ABCA3: variants seen among roughly 807,000 people sequenced by gnomAD.
The protein encoded by ABCA3 is ATP binding cassette subfamily A member 3.
ABCA3 carries 88 observed loss-of-function variants against 172.8 expected under a neutral mutation model. The ratio of observed to expected loss-of-function variants is 0.51; its 90% CI spans 0.43 to 0.61. The LOEUF (loss-of-function observed/expected upper bound fraction) is 0.61. Ranked by LOEUF, ABCA3 falls within the 20% of genes least tolerant of loss-of-function variation. The probability of loss-of-function intolerance (pLI) is 0.00; values close to 1 mark genes in which losing one functional copy is unlikely to be tolerated. For missense variants in ABCA3, 2,164 were observed against 2,301.0 expected (o/e 0.94, Z 1.22); for synonymous variants, 1,066 against 983.8 (o/e 1.08, Z -1.56).
At chr16:2,336,921 TTC>T (rs1293806194) in intron 1 of ABCA3, among the ~76,000 whole-genome samples, 2 of 151,982 alleles carry the variant, frequency 1.3e-5, no homozygotes, top group Non-Finnish European at 2.9e-5. Flanking sequence ...TTTTTTTTTT[TTC>T]TCTGTTAGAG....
chr16:2,297,734 G>T lies in ABCA3; in HGVS notation c.2052+32C>A, dbSNP rs368540526. 1.9e-6 allele frequency: 3 copies of T among 1,606,676 alleles called. No individual in the cohort carries two copies. The highest frequency in any genetic ancestry group is 2.7e-5 in the African/African-American group (2 of 75,012). ...GGGCCATCCCAGGTCGAGCAGGAGG[G>T]GAACCCACTGCCTCCAGTCCCACCG... On this transcript the variant is annotated intron_variant, in intron 16 of 32. Coordinates refer to ENST00000301732, the MANE Select transcript of ABCA3 (RefSeq NM_001089.3). The surrounding 1 kb of genome is among the most constrained non-coding windows in gnomAD (Gnocchi z 5.6).
chr16:2,336,713 T>C (rs2093752397), intron 1 of ABCA3, among the ~76,000 whole-genome samples: 1 of 151,496 alleles, frequency 6.6e-6, no homozygotes, highest in Non-Finnish European at 1.5e-5. Context: ...GTGCTAGGAT[T>C]ACAGGCGTGA....
chr16:2,291,219 C>G (rs1308312273), intron 19 of ABCA3, among the ~76,000 whole-genome samples: 1 of 152,122 alleles, frequency 6.6e-6, no homozygotes, highest in African/African-American at 2.4e-5. Flanking sequence ...GTCCCAGCTA[C>G]TGAGGCTGAG....
chr16:2,300,244 T>C, intron 12 of ABCA3, 96 bp from the exon 13 acceptor site: 4 of 1,559,068 alleles, frequency 2.6e-6, no homozygotes, highest in South Asian at 2.2e-5. Context: ...ATGCAGCCTC[T>C]GTCCCAGGAC....
chr16:2,294,735 CA>C (rs2093677188), intron 18 of ABCA3, among the ~76,000 whole-genome samples: 1 of 152,002 alleles, frequency 6.6e-6, no homozygotes, highest in African/African-American at 2.4e-5. Context: ...GACATCTTAG[CA>C]CTTTGGGAGG....
intron 1 of ABCA3, among the ~76,000 whole-genome samples, chr16:2,337,342 A>C (rs9924128): frequency 3.3e-5 from 5 of 151,462 alleles, no homozygotes; most frequent in Admixed American, 2.0e-4. Flanking sequence ...TCTTTTACAC[A>C]TAACAGTACA....
chr16:2,277,063 G>A lies in ABCA3; in HGVS notation c.4984-258C>T, dbSNP rs2093647641. 3.3e-5 allele frequency among the ~76,000 whole-genome samples: 5 copies of A among 152,194 alleles called. No individual in the cohort carries two copies. Among genetic ancestry groups the A allele is most frequent in the Admixed American group, 1.3e-4 (2 of 15,272 alleles). On this transcript the variant is annotated intron_variant, in intron 32 of 32. Coordinates refer to ENST00000301732, the MANE Select transcript of ABCA3 (RefSeq NM_001089.3). This position sits in a 1 kb window ranked among gnomAD's most constrained non-coding sequence, Gnocchi z 5.3. ...TTCCCAGCTCAGATTACAACCTTGA[G>A]CCAGTGATGTTCCCTTTCTGAGCCA...
chr16:2,296,768 G>A (rs1486925793), intron 17 of ABCA3, among the ~76,000 whole-genome samples: 1 of 152,234 alleles, frequency 6.6e-6, no homozygotes, highest in Non-Finnish European at 1.5e-5. Context: ...ACCACACTGG[G>A]TTGCCACTCA....
At chr16:2,289,644 G>A (rs758300133) in intron 19 of ABCA3, 24 bp from the exon 20 acceptor site, 22 of 1,545,196 alleles carry the variant, frequency 1.4e-5, no homozygotes, top group Admixed American at 5.9e-5. Context: ...CACAGGGACC[G>A]GTCAGGACCC....
intron 7 of ABCA3, among the ~76,000 whole-genome samples, chr16:2,322,138 CAGTGA>C (rs1263575486): frequency 6.7e-6 from 1 of 149,972 alleles, no homozygotes; most frequent in African/African-American, 2.5e-5. Context: ...ACAGCGGTTG[CAGTGA>C]GCCGAGGTCG....
In ABCA3 at chr16:2,278,752, G is replaced by A. The variant is rs920176768; in HGVS notation, c.4547+191C>T. Among the ~76,000 whole-genome samples the A allele has an allele frequency of 6.6e-6, 1 of 152,228 alleles. No individual in the cohort carries two copies. The highest frequency in any genetic ancestry group is 2.4e-5 in the African/African-American group (1 of 41,460). The stretch of plus-strand genomic sequence containing the variant: ...CTCTCACTGCTGGCTTTGTCCCTAG[G>A]TGGCAGGCACTGTCAGGGCAGTCCC... On this transcript the variant is annotated intron_variant, in intron 29 of 32. Coordinates refer to ENST00000301732, the MANE Select transcript of ABCA3 (RefSeq NM_001089.3). This position sits in a 1 kb window ranked among gnomAD's most constrained non-coding sequence, Gnocchi z 4.4.
intron 10 of ABCA3, among the ~76,000 whole-genome samples, chr16:2,309,119 G>C (rs1181855882): frequency 6.6e-5 from 10 of 152,078 alleles, no homozygotes; most frequent in African/African-American, 1.9e-4. Flanking sequence ...CTAATTTTTT[G>C]TATTTTTTAG....
In ABCA3 at chr16:2,324,488, C is replaced by G; in HGVS notation, c.363G>C (p.Arg121Ser). 6.2e-7 allele frequency: 1 copy of G among 1,611,136 alleles called. No individual in the cohort carries two copies. Among genetic ancestry groups the G allele is most frequent in the Middle Eastern group, 1.6e-4 (1 of 6,062 alleles). The change falls in exon 6 of 33, where the codon AGG (arginine) becomes AGC (serine). Residue 121 changes from arginine (R) to serine (S), a missense_variant. Arg to Ser is a moderately radical substitution (Grantham distance 110, BLOSUM62 -1). This residue lies in a region of ABCA3 where 1,343 missense variants were observed against 1,369.6 expected (regional missense o/e 0.98). Transcript: ENST00000301732. ...PSEKDFEDYIRYDNCSSSVLA... is the reference protein window; with the variant it reads ...PSEKDFEDYISYDNCSSSVLA... The stretch of plus-strand genomic sequence containing the variant: ...GCACGCTGGACGAGCAGTTGTCGTA[C>G]CTAATGTAGTCCTCAAAGTCCTTCT...
rs764754056 is a variant in ABCA3 at position 2,297,415 on chromosome 16, G to A, written c.2177C>T (p.Ala726Val). 6.2e-7 allele frequency: 1 copy of A among 1,613,732 alleles called. No homozygotes were observed. Among genetic ancestry groups the A allele is most frequent in the Non-Finnish European group, 8.5e-7 (1 of 1,180,010 alleles). ...IVLTTHFMDEADLLGDRIAIM... is the reference protein window; with the variant it reads ...IVLTTHFMDEVDLLGDRIAIM... ...GGCGATGCGGTCTCCCAGCAGGTCA[G>A]CCTCGTCCATGAAGTGGGTGGTCAG... is the stretch of plus-strand genomic sequence containing the variant. Residue 726 changes from alanine to valine, a missense_variant, in exon 17 of 33, where the codon GCT (alanine) becomes GTT (valine). By Grantham distance (64) the Ala-to-Val change is moderately conservative. Around this residue, in one of 3 missense-constraint regions of ABCA3, gnomAD observed 1,343 missense variants for 1,369.6 expected, o/e 0.98. Coordinates refer to ENST00000301732, the MANE Select transcript of ABCA3 (RefSeq NM_001089.3). This position sits in a 1 kb window ranked among gnomAD's most constrained non-coding sequence, Gnocchi z 5.6.
chr16:2,325,875 G>A, intron 5 of ABCA3, 135 bp downstream of exon 5: 2 of 1,234,058 alleles, frequency 1.6e-6, no homozygotes, highest in African/African-American at 1.5e-5. Context: ...AGTGATGCGG[G>A]AAGAAGCAGA....
chr16:2,319,908 G>A, intron 7 of ABCA3, 68 bp from the exon 8 acceptor site: 1 of 1,598,890 alleles, frequency 6.3e-7, no homozygotes, highest in Non-Finnish European at 8.5e-7. Context: ...AGGGCCACGT[G>A]CATGGGGTCC....
Position 2,299,534 on chromosome 16 carries a change from T to G in ABCA3, c.1612-2A>C, listed in dbSNP as rs959823379. On this transcript the variant is annotated splice_acceptor_variant, in intron 13 of 32. Transcript: ENST00000301732. LOFTEE classifies it high-confidence loss of function. ...GTCCTTATTTCCCACCCTGAACACC[T>G]GCAGGAAAGGCAGAGGCTGCCCTGG... 6.2e-7 allele frequency: 1 copy of G among 1,612,942 alleles called. No homozygotes were observed. Among genetic ancestry groups the G allele is most frequent in the South Asian group, 1.1e-5 (1 of 91,090 alleles).
chr16:2,277,539 C>G lies in ABCA3; in HGVS notation c.4983+58G>C, dbSNP rs1321686825. 4.4e-6 allele frequency: 7 copies of G among 1,579,788 alleles called. No individual in the cohort carries two copies. Among genetic ancestry groups the G allele is most frequent in the Non-Finnish European group, 6.1e-6 (7 of 1,153,364 alleles). ...GCAGTCACCACAGAGGGAGAGACCC[C>G]TGGAGGGACCTCCCCCTGCCCCATG... On this transcript the variant is annotated intron_variant, in intron 32 of 32. Coordinates refer to ENST00000301732, the MANE Select transcript of ABCA3 (RefSeq NM_001089.3). This position sits in a 1 kb window ranked among gnomAD's most constrained non-coding sequence, Gnocchi z 5.3.
In ABCA3 at chr16:2,284,724, G is replaced by T; in HGVS notation, c.3703+55C>A. The stretch of plus-strand genomic sequence containing the variant: ...CTGTGGCTGGTGCCTCCCTGTCTGG[G>T]CGGAGTGGCTCCGTGGATGGCCATG... On this transcript the variant is annotated intron_variant, in intron 24 of 32. Coordinates refer to ENST00000301732, the MANE Select transcript of ABCA3 (RefSeq NM_001089.3). The surrounding 1 kb of genome is among the most constrained non-coding windows in gnomAD (Gnocchi z 5.9). The T allele has an allele frequency of 6.4e-7, 1 of 1,559,490 alleles. No individual in the cohort carries two copies.
Sources: allele counts gnomAD v4.1 joint callset (sites outside exome capture counted in the v4.1 genomes callset), GRCh38; gene constraint gnomAD v4.1.1; regional missense constraint gnomAD v4.1.1; non-coding constraint Gnocchi (gnomAD v3.1); transcripts MANE v1.5; gene names NCBI Gene and HGNC (gene_info 2026-07-23, HGNC 2026-07-21).